The following RALY variants were observed in gnomAD, a reference collection of about 807,000 sequenced individuals.
RALY encodes RALY heterogeneous nuclear ribonucleoprotein.
In RALY, 15 loss-of-function variants were observed where a neutral mutation model predicts 30.7. That is an observed-to-expected ratio of 0.49 (90% CI 0.33 to 0.75). The LOEUF is 0.75. Among genes scored for constraint, RALY ranks in the 30% least tolerant of loss-of-function variants. RALY has a pLI of 0.02. For synonymous variants in RALY, 177 were observed against 170.8 expected (o/e 1.04, Z -0.28); for missense variants, 339 against 414.3 (o/e 0.82, Z 1.58).
chr20:34,014,802 A>T (rs1012905628), intron 1 of RALY, among the ~76,000 whole-genome samples: 6 of 152,234 alleles, frequency 3.9e-5, no homozygotes, highest in African/African-American at 1.4e-4. Flanking sequence ...TCTTTAAAAC[A>T]TGGTATTGGT....
chr20:34,055,400 G>C (rs766760780), intron 2 of RALY, among the ~76,000 whole-genome samples: 5 of 152,152 alleles, frequency 3.3e-5, no homozygotes, highest in Non-Finnish European at 7.4e-5. Flanking sequence ...TTTAGCATCT[G>C]TGCAGCCTGC....
chr20:34,072,266 T>C lies in RALY; in HGVS notation c.192T>C (p.Asn64=). The C allele has an allele frequency of 6.2e-7, 1 of 1,614,136 alleles. No individual in the cohort carries two copies. The highest frequency in any genetic ancestry group is 8.5e-7 in the Non-Finnish European group (1 of 1,180,034). Residue 64 remains asparagine (N), a synonymous_variant, in exon 3 of 10, where the codon AAT becomes AAC. Coordinates refer to ENST00000246194, the MANE Select transcript of RALY (RefSeq NM_016732.3). Reference sequence around the variant, plus strand: ...GCTATGCCTTTGTTCAGTACTCCAATGAGCGCCATGCCCGGGCAGCTGTGC... The same window carrying C: ...GCTATGCCTTTGTTCAGTACTCCAACGAGCGCCATGCCCGGGCAGCTGTGC... ...HKGYAFVQYS[N]ERHARAAVLG... is the part of the protein sequence containing the mutation.
intron 2 of RALY, among the ~76,000 whole-genome samples, chr20:34,048,475 G>A (rs1301672070): frequency 6.6e-6 from 1 of 152,208 alleles, no homozygotes; most frequent in Non-Finnish European, 1.5e-5. Flanking sequence ...GTCCAAAGAA[G>A]AACTGGGACT....
chr20:34,077,589 GC>G (rs1330165178), intron 8 of RALY: 12 of 397,100 alleles, frequency 3.0e-5, no homozygotes, highest in Non-Finnish European at 5.5e-5. Context: ...GCTTGTGGAG[GC>G]CACAGCCAGG....
chr20:34,014,392 T>TC (rs1231799037), intron 1 of RALY, among the ~76,000 whole-genome samples: 1 of 152,244 alleles, frequency 6.6e-6, no homozygotes, highest in Non-Finnish European at 1.5e-5. Context: ...AGAGCATTTA[T>TC]CATTTGTCTC....
chr20:34,039,656 T>C (rs569744149), intron 2 of RALY, among the ~76,000 whole-genome samples: 2 of 152,304 alleles, frequency 1.3e-5, no homozygotes, highest in South Asian at 4.1e-4. Flanking sequence ...GGCCATTCAA[T>C]TTGCATCTAG....
At chr20:34,025,902 T>TTG (rs1238841720) in intron 1 of RALY, among the ~76,000 whole-genome samples, 3 of 139,644 alleles carry the variant, frequency 2.1e-5, no homozygotes, top group Admixed American at 1.4e-4. Context: ...CCTGGTTGTT[T>TTG]TTTTTTTTTT....
intron 2 of RALY, among the ~76,000 whole-genome samples, chr20:34,062,409 C>G (rs1022903440): frequency 3.9e-5 from 6 of 152,242 alleles, no homozygotes; most frequent in African/African-American, 1.4e-4. Context: ...TACTTTCAGA[C>G]AGCCCACATG....
chr20:34,069,189 G>A (rs1362067482), intron 2 of RALY, among the ~76,000 whole-genome samples: 1 of 152,132 alleles, frequency 6.6e-6, no homozygotes, highest in Non-Finnish European at 1.5e-5. Context: ...TCTAGAATGG[G>A]GTTCGCAGAT....
intron 1 of RALY, among the ~76,000 whole-genome samples, chr20:34,007,491 A>G (rs1198573118): frequency 2.6e-5 from 4 of 151,784 alleles, no homozygotes; most frequent in African/African-American, 4.8e-5. Context: ...ACTGCACTCC[A>G]GCCTTGGTGA....
intron 2 of RALY, among the ~76,000 whole-genome samples, chr20:34,056,957 T>A (rs2033263343): frequency 6.6e-6 from 1 of 152,222 alleles, no homozygotes; most frequent in African/African-American, 2.4e-5. Flanking sequence ...GTTTATACAA[T>A]AAGCTTTCCC....
chr20:34,036,434 C>T (rs961665669), intron 2 of RALY, among the ~76,000 whole-genome samples: 9 of 152,146 alleles, frequency 5.9e-5, no homozygotes, highest in Non-Finnish European at 1.0e-4. Context: ...ATAAATCCCA[C>T]ATGGTTGTAG....
chr20:34,050,716 C>G (rs1338948370), intron 2 of RALY, among the ~76,000 whole-genome samples: 2 of 152,252 alleles, frequency 1.3e-5, no homozygotes, highest in Admixed American at 6.5e-5. Context: ...CTGGACAGAT[C>G]TCATACAGAG....
chr20:34,072,646 G>C (rs543379994), intron 3 of RALY, among the ~76,000 whole-genome samples: 1 of 152,176 alleles, frequency 6.6e-6, no homozygotes, highest in African/African-American at 2.4e-5. Context: ...GTTACACCGG[G>C]TACAGATGAC....
chr20:34,032,517 G>A (rs552208395), intron 2 of RALY, among the ~76,000 whole-genome samples: 3 of 151,810 alleles, frequency 2.0e-5, no homozygotes, highest in Non-Finnish European at 2.9e-5. Context: ...TGTTGGGGGG[G>A]GTTTTATTTT....
chr20:34,032,038 A>G (rs906630133), intron 2 of RALY, among the ~76,000 whole-genome samples: 8 of 152,204 alleles, frequency 5.3e-5, no homozygotes, highest in South Asian at 4.1e-4. Context: ...TCTCGGCTCA[A>G]TGCAACCTCC....
intron 2 of RALY, among the ~76,000 whole-genome samples, chr20:34,051,671 C>T (rs2033083208): frequency 6.6e-6 from 1 of 152,166 alleles, no homozygotes; most frequent in South Asian, 2.1e-4. Context: ...TCTCCGCTCA[C>T]TGCAAGCTCC....
intron 2 of RALY, among the ~76,000 whole-genome samples, chr20:34,039,729 A>C (rs916279324): frequency 6.6e-6 from 1 of 152,206 alleles, no homozygotes; most frequent in African/African-American, 2.4e-5. Context: ...GCAACAGAGA[A>C]GAAAGACTAC....
At chr20:34,036,739 C>G (rs1268990586) in intron 2 of RALY, among the ~76,000 whole-genome samples, 1 of 152,000 alleles carries the variant, frequency 6.6e-6, no homozygotes, top group African/African-American at 2.4e-5. Flanking sequence ...TTTTCTCTTT[C>G]TTTTTGAGTC....
Sources: allele counts gnomAD v4.1 joint callset (sites outside exome capture counted in the v4.1 genomes callset), GRCh38; gene constraint gnomAD v4.1.1; transcripts MANE v1.5; gene names NCBI Gene and HGNC (gene_info 2026-07-23, HGNC 2026-07-21).